WNK1: variants seen among roughly 807,000 people sequenced by gnomAD.
WNK1 encodes serine/threonine-protein kinase WNK1.
Under a neutral mutation model 222.8 loss-of-function variants are expected in WNK1, and 38 were observed. The ratio of observed to expected loss-of-function variants is 0.17; its 90% CI spans 0.13 to 0.22. The LOEUF is 0.22. Ranked by LOEUF, WNK1 falls within the 10% of genes least tolerant of loss-of-function variation. WNK1 has a pLI of 1.00. For synonymous variants in WNK1, 1,090 were observed against 1,092.9 expected (o/e 1.00, Z 0.05); for missense variants, 2,348 against 2,918.4 (o/e 0.80, Z 4.50).
chr12:839,315 T>C (rs1949440296), intron 4 of WNK1, among the ~76,000 whole-genome samples: 1 of 152,234 alleles, frequency 6.6e-6, no homozygotes, highest in South Asian at 2.1e-4. Flanking sequence ...AGTGGGTAGC[T>C]ATCATGTATG....
At position 885,115 on chromosome 12, in the gene WNK1, A is replaced by G; in HGVS notation, c.4311A>G (p.Thr1437=). 1.2e-6 allele frequency: 2 copies of G among 1,614,150 alleles called. No individual in the cohort carries two copies. Among genetic ancestry groups the G allele is most frequent in the Admixed American group, 1.7e-5 (1 of 60,014 alleles). Reference sequence around the variant, plus strand: ...CGTCACTTCAAGTCCCCACATCCACATCTGAGATCGTTGTTTCTAGTACAG... The same window carrying G: ...CGTCACTTCAAGTCCCCACATCCACGTCTGAGATCGTTGTTTCTAGTACAG... The part of the protein sequence containing the change: ...TSPSLQVPTS[T]SEIVVSSTAL... The change falls in exon 19 of 28, where the codon ACA becomes ACG. Residue 1437 remains threonine, a synonymous_variant. Transcript: ENST00000315939.
At chr12:907,576 A>G (rs769828974) in intron 26 of WNK1, 9 of 509,838 alleles carry the variant, frequency 1.8e-5, no homozygotes, top group Non-Finnish European at 2.8e-5. Flanking sequence ...TGCTTTGTGA[A>G]TGGACTGAAA....
intron 21 of WNK1, 75 bp downstream of exon 21, chr12:889,298 T>G: frequency 8.0e-7 from 1 of 1,247,558 alleles, no homozygotes; most frequent in Non-Finnish European, 1.2e-6. Context: ...AACTGTAACC[T>G]AAACCATTAT....
At chr12:814,750 G>A (rs866646060) in intron 2 of WNK1, among the ~76,000 whole-genome samples, 2 of 152,086 alleles carry the variant, frequency 1.3e-5, no homozygotes, top group Non-Finnish European at 2.9e-5. Context: ...GCGGGGGTGG[G>A]GCTGGGGAAG....
chr12:868,698 G>T, intron 8 of WNK1: 1 of 1,613,868 alleles, frequency 6.2e-7, no homozygotes, highest in Non-Finnish European at 8.5e-7. Flanking sequence ...CGTGTTTACC[G>T]AAATCGGCAG....
intron 4 of WNK1, among the ~76,000 whole-genome samples, chr12:832,168 T>G (rs1321708937): frequency 1.3e-5 from 2 of 152,092 alleles, no homozygotes; most frequent in Non-Finnish European, 2.9e-5. Context: ...CTCTGCCTCC[T>G]GGGTTCACGC....
At chr12:842,908 A>G (rs1333101334) in intron 4 of WNK1, among the ~76,000 whole-genome samples, 1 of 152,146 alleles carries the variant, frequency 6.6e-6, no homozygotes, top group African/African-American at 2.4e-5. Context: ...CAAGACAGCT[A>G]ACAGACTCAA....
rs778520770 is a variant in WNK1, at chr12:827,001, C to G, written c.933-41C>G. 2 of 1,524,886 alleles carry G rather than the reference C, an allele frequency of 1.3e-6. No individual in the cohort carries two copies. Among genetic ancestry groups the G allele is most frequent in the Admixed American group, 1.7e-5 (1 of 59,604 alleles). The allele number at this position is 1,524,886 out of a possible 1,614,324, so 94.5% of individuals were successfully genotyped here. A position where few individuals can be genotyped will look rare whatever the true frequency, so the allele number is the denominator to read the frequency against. On this transcript the variant is annotated intron_variant, in intron 2 of 27. Transcript: ENST00000315939. The surrounding 1 kb of genome is among the most constrained non-coding windows in gnomAD (Gnocchi z 4.6). ...TGGAATTCTTCAAAGCAACAAACTC[C>G]TATCATTGATAACTTGTTTGGTATA...
At chr12:864,986 CT>C in intron 8 of WNK1, 1 of 1,265,714 alleles carries the variant, frequency 7.9e-7, no homozygotes, top group Admixed American at 3.0e-5. Flanking sequence ...AAAAAACTGA[CT>C]TTGTGGAATT....
chr12:906,552 A>G lies in WNK1; in HGVS notation c.6644-1295A>G, dbSNP rs141944851. 4 of 985,238 alleles carry G rather than the reference A, an allele frequency of 4.1e-6. No homozygotes were observed. In the East Asian group the frequency reaches 3.4e-4, roughly 84 times the overall value. 61.0% of individuals were successfully genotyped at this position (985,238 alleles called of 1,614,324 possible). Reference sequence around the variant, plus strand: ...AACTGAGGTCATCTTCAGGAAAACCATGTCTTCCTGAAGTTGAAAGATTCA... The same window carrying G: ...AACTGAGGTCATCTTCAGGAAAACCGTGTCTTCCTGAAGTTGAAAGATTCA... On this transcript the variant is annotated intron_variant, in intron 26 of 27. Transcript: ENST00000315939.
chr12:779,397 G>GTTTTTTTTTT (rs5795950), intron 1 of WNK1, among the ~76,000 whole-genome samples: 1 of 124,274 alleles, frequency 8.0e-6, no homozygotes, highest in Non-Finnish European at 1.7e-5. Context: ...TTTCTTTTCT[G>GTTTTTTTTTT]TTTTTTTTTT....
intron 9 of WNK1, among the ~76,000 whole-genome samples, chr12:874,605 T>A (rs1952449222): frequency 6.6e-6 from 1 of 152,106 alleles, no homozygotes; most frequent in South Asian, 2.1e-4. Context: ...TTTGAAAGAG[T>A]CTAAATAATA....
chr12:885,383 C>T lies in WNK1; in HGVS notation c.4579C>T (p.His1527Tyr). ...TLAETVVVSA[H>Y]SLDKTSHSST... ...AGCTGAAACCGTGGTAGTTAGCGCA[C>T]ACTCACTAGATAAGACATCTCATAG... Residue 1527 changes from histidine to tyrosine, a missense_variant, in exon 19 of 28, where the codon CAC (histidine) becomes TAC (tyrosine). His to Tyr is a moderately conservative substitution (Grantham distance 83). This residue lies in a region of WNK1 where 1,144 missense variants were observed against 1,273.6 expected (regional missense o/e 0.90). Transcript: ENST00000315939. The T allele has an allele frequency of 1.2e-6, 2 of 1,613,744 alleles. No individual in the cohort carries two copies. The highest frequency in any genetic ancestry group is 1.7e-6 in the Non-Finnish European group (2 of 1,180,028).
chr12:753,455 C>A lies in WNK1; in HGVS notation c.-111C>A. The A allele has an allele frequency of 6.8e-7, 1 of 1,472,444 alleles. No individual in the cohort carries two copies. The highest frequency in any genetic ancestry group is 1.4e-5 in the African/African-American group (1 of 71,534). 91.2% of individuals were successfully genotyped at this position (1,472,444 alleles called of 1,614,324 possible). On this transcript the variant is annotated 5_prime_UTR_variant, in exon 1 of 28. Coordinates refer to ENST00000315939, the MANE Select transcript of WNK1 (RefSeq NM_018979.4). The surrounding 1 kb of genome is among the most constrained non-coding windows in gnomAD (Gnocchi z 5.2). The stretch of plus-strand genomic sequence containing the variant: ...GAGTGAGGCGTCGTCCGGGTCGGCG[C>A]GAACCCGCCCGGCCGCGGTTCCCTG...
intron 1 of WNK1, among the ~76,000 whole-genome samples, chr12:768,602 A>T (rs1942069466): frequency 6.6e-6 from 1 of 152,198 alleles, no homozygotes; most frequent in Admixed American, 6.5e-5. Flanking sequence ...GGCAGAAGTG[A>T]AACTGCCATA....
rs75693482 is a variant in WNK1, at chr12:760,343, A to G, written c.759+6019A>G. On this transcript the variant is annotated intron_variant, in intron 1 of 27. Transcript: ENST00000315939. ...GTTCACTATGGTGTAATAGAATACT[A>G]TACAATGAAAAGGAGCACCAAGGCA... is the stretch of plus-strand genomic sequence containing the variant. Among the ~76,000 whole-genome samples the G allele has an allele frequency of 7.8e-4, 116 of 147,946 alleles. 7 individuals are homozygous for G. Among genetic ancestry groups the G allele is most frequent in the Admixed American group, 4.4e-3 (66 of 14,918 alleles).
intron 4 of WNK1, among the ~76,000 whole-genome samples, chr12:849,919 A>G (rs1324495562): frequency 1.3e-5 from 2 of 152,180 alleles, no homozygotes; most frequent in African/African-American, 4.8e-5. Flanking sequence ...ATGGCTGCAT[A>G]GTATTCCATG....
chr12:791,442 T>C (rs1944828583), intron 1 of WNK1, among the ~76,000 whole-genome samples: 1 of 152,160 alleles, frequency 6.6e-6, no homozygotes, highest in Admixed American at 6.5e-5. Context: ...GTGAAAATTA[T>C]TTTTTGTACA....
chr12:804,953 TATAAA>T (rs1275947169), intron 1 of WNK1, among the ~76,000 whole-genome samples: 1 of 147,590 alleles, frequency 6.8e-6, no homozygotes, highest in Non-Finnish European at 1.5e-5. Context: ...ATATATATAA[TATAAA>T]ATATAATTAA....
Sources: allele counts gnomAD v4.1 joint callset (sites outside exome capture counted in the v4.1 genomes callset), GRCh38; gene constraint gnomAD v4.1.1; regional missense constraint gnomAD v4.1.1; non-coding constraint Gnocchi (gnomAD v3.1); transcripts MANE v1.5; gene names NCBI Gene and HGNC (gene_info 2026-07-23, HGNC 2026-07-21).